GPR158: variants seen among roughly 807,000 people sequenced by gnomAD.
GPR158 encodes G protein-coupled receptor 158.
A neutral mutation model predicts 78.2 loss-of-function variants in GPR158; 30 were observed. That is an observed-to-expected ratio of 0.38 (90% CI 0.29 to 0.52). The LOEUF (loss-of-function observed/expected upper bound fraction) is 0.52. Among genes scored for constraint, GPR158 ranks in the 20% least tolerant of loss-of-function variants. The pLI, the probability that GPR158 is intolerant of heterozygous loss-of-function variation, is 0.83. For synonymous variants in GPR158, 581 were observed against 591.1 expected, an observed-to-expected ratio of 0.98 and a Z score of 0.25; for missense variants, 1,463 against 1,523.5, an observed-to-expected ratio of 0.96 and a Z score of 0.66.
At chr10:25,301,369 T>C (rs1854591711) in intron 2 of GPR158, among the ~76,000 whole-genome samples, 1 of 152,176 alleles carries the variant, frequency 6.6e-6, no homozygotes. Flanking sequence ...TAGTTAGAAA[T>C]GAAATAGAGA....
At chr10:25,352,280 G>A (rs1006688879) in intron 2 of GPR158, among the ~76,000 whole-genome samples, 3 of 152,038 alleles carry the variant, frequency 2.0e-5, no homozygotes, top group Admixed American at 1.3e-4. Flanking sequence ...AACTAACCCT[G>A]TGAGCTTCAC....
At chr10:25,436,334 A>G (rs1387053323) in intron 4 of GPR158, among the ~76,000 whole-genome samples, 3 of 152,220 alleles carry the variant, frequency 2.0e-5, no homozygotes, top group Non-Finnish European at 4.4e-5. Context: ...CCAAGTGGGC[A>G]GGTAGATATT....
intron 2 of GPR158, among the ~76,000 whole-genome samples, chr10:25,335,481 A>C (rs1438839833): frequency 6.6e-6 from 1 of 152,040 alleles, no homozygotes; most frequent in Non-Finnish European, 1.5e-5. Flanking sequence ...CCAATAGTCC[A>C]TGGCTTTAGT....
At chr10:25,531,058 A>T (rs1836416246) in intron 5 of GPR158, among the ~76,000 whole-genome samples, 1 of 152,260 alleles carries the variant, frequency 6.6e-6, no homozygotes, top group Admixed American at 6.5e-5. Context: ...GAAGATTAAA[A>T]AATAATGCTA....
chr10:25,577,054 T>C (rs1170912616), intron 7 of GPR158, among the ~76,000 whole-genome samples: 2 of 152,060 alleles, frequency 1.3e-5, no homozygotes, highest in Non-Finnish European at 2.9e-5. Context: ...CTGAGACATG[T>C]GGCTGTTGTA....
intron 2 of GPR158, among the ~76,000 whole-genome samples, chr10:25,269,897 T>G (rs758640374): frequency 7.2e-5 from 11 of 152,218 alleles, no homozygotes; most frequent in Non-Finnish European, 1.2e-4. Flanking sequence ...TTTAGTATGC[T>G]TATTGAAGCT....
rs548396846 is a variant in GPR158, at chr10:25,200,595, A to G, written c.903-20457A>G. Among the ~76,000 whole-genome samples the G allele has an allele frequency of 8.0e-4, 122 of 152,154 alleles. 1 individual carries two copies. The highest frequency in any genetic ancestry group is 2.8e-3 in the African/African-American group (116 of 41,540). ...GAAATCCTTGCCTATATCCAGAATGATATTTCCTGGGTCATCTTCCAGGGT... is the reference window on the plus strand; with the variant it reads ...GAAATCCTTGCCTATATCCAGAATGGTATTTCCTGGGTCATCTTCCAGGGT... On this transcript the variant is annotated intron_variant, in intron 1 of 10. Coordinates refer to ENST00000376351, the MANE Select transcript of GPR158 (RefSeq NM_020752.3).
intron 5 of GPR158, among the ~76,000 whole-genome samples, chr10:25,526,302 G>T (rs535153860): frequency 6.6e-6 from 1 of 152,202 alleles, no homozygotes; most frequent in African/African-American, 2.4e-5. Context: ...ACTGCACTAG[G>T]TAGGGGGCTA....
intron 4 of GPR158, among the ~76,000 whole-genome samples, chr10:25,460,454 C>T (rs2130611335): frequency 6.6e-6 from 1 of 152,294 alleles, no homozygotes; most frequent in African/African-American, 2.4e-5. Flanking sequence ...CTCGGCCTCC[C>T]TAAGTGCTGG....
intron 5 of GPR158, among the ~76,000 whole-genome samples, chr10:25,490,271 C>T (rs1369646081): frequency 2.0e-5 from 3 of 151,524 alleles, no homozygotes; most frequent in Non-Finnish European, 4.4e-5. Context: ...ATTAAAGATA[C>T]ATACACTTTT....
intron 5 of GPR158, among the ~76,000 whole-genome samples, chr10:25,535,789 C>G (rs1042581573): frequency 1.3e-5 from 2 of 152,228 alleles, no homozygotes; most frequent in East Asian, 1.9e-4. Flanking sequence ...TTCCTCTTCT[C>G]TCTATACCCC....
In GPR158 at chr10:25,560,857, T is replaced by G. The variant is rs1836850838; in HGVS notation, c.1514+9772T>G. On this transcript the variant is annotated intron_variant, in intron 6 of 10. Transcript: ENST00000376351. ...TTGGAAATGGAAACATTTTCGCTATTAGTCATTTCTACCACATTTCAATCT... is the reference window on the plus strand; with the variant it reads ...TTGGAAATGGAAACATTTTCGCTATGAGTCATTTCTACCACATTTCAATCT... 3.3e-5 allele frequency among the ~76,000 whole-genome samples: 5 copies of G among 152,326 alleles called. No homozygotes were observed. In the South Asian group the frequency reaches 1.0e-3, roughly 32 times the overall value.
intron 4 of GPR158, among the ~76,000 whole-genome samples, chr10:25,418,435 AT>A (rs1462090406): frequency 6.6e-6 from 1 of 152,184 alleles, no homozygotes; most frequent in African/African-American, 2.4e-5. Flanking sequence ...TAGGAAACTA[AT>A]TACACACATT....
intron 5 of GPR158, among the ~76,000 whole-genome samples, chr10:25,478,486 TATA>T (rs1345036778): frequency 1.4e-5 from 2 of 142,938 alleles, no homozygotes; most frequent in East Asian, 4.0e-4. Flanking sequence ...AGATGAAATA[TATA>T]ATGCGTGTGT....
At chr10:25,498,725 T>C (rs1412164025) in intron 5 of GPR158, among the ~76,000 whole-genome samples, 3 of 152,204 alleles carry the variant, frequency 2.0e-5, no homozygotes, top group African/African-American at 7.2e-5. Context: ...CCTCCCACTG[T>C]CTGTCACCTG....
intron 5 of GPR158, among the ~76,000 whole-genome samples, chr10:25,539,061 G>T (rs1271981495): frequency 2.6e-5 from 4 of 152,082 alleles, no homozygotes; most frequent in Non-Finnish European, 5.9e-5. Context: ...CTGGTTTTCT[G>T]CATCTTGCTG....
chr10:25,376,621 C>G (rs1834084562), intron 2 of GPR158, among the ~76,000 whole-genome samples: 1 of 151,648 alleles, frequency 6.6e-6, no homozygotes, highest in Admixed American at 6.6e-5. Context: ...AAACTTTTAT[C>G]TGGGATCATT....
intron 2 of GPR158, among the ~76,000 whole-genome samples, chr10:25,326,763 A>C (rs1855040111): frequency 6.6e-6 from 1 of 152,204 alleles, no homozygotes. Context: ...TTTTTACTAT[A>C]AATAAGTATA....
intron 3 of GPR158, among the ~76,000 whole-genome samples, chr10:25,409,907 A>G (rs946407971): frequency 1.3e-5 from 2 of 152,150 alleles, no homozygotes; most frequent in Non-Finnish European, 2.9e-5. Context: ...ATACTATTCT[A>G]TCTTATTACT....
Sources: allele counts gnomAD v4.1 joint callset (sites outside exome capture counted in the v4.1 genomes callset), GRCh38; gene constraint gnomAD v4.1.1; transcripts MANE v1.5; gene names NCBI Gene and HGNC (gene_info 2026-07-23, HGNC 2026-07-21).